Variants in STYXL2 observed in about 807,000 individuals in gnomAD.
The protein encoded by STYXL2 is serine/threonine/tyrosine-interacting-like protein 2.
Under a neutral mutation model 52.4 loss-of-function variants are expected in STYXL2, and 44 were observed. The ratio of observed to expected loss-of-function variants is 0.84; its 90% CI spans 0.66 to 1.08. The LOEUF (loss-of-function observed/expected upper bound fraction) is 1.08, where lower values mean the gene tolerates loss of function less well. STYXL2 is among the 50% of genes least tolerant of loss of function. The pLI is 0.00. For missense variants in STYXL2, 1,604 were observed against 1,471.7 expected (o/e 1.09, Z -1.47); for synonymous variants, 604 against 586.9 (o/e 1.03, Z -0.42).
rs1363302722 is a variant in STYXL2, at chr1:167,125,966, A to G, written c.835A>G (p.Met279Val). ...GCTGCGGGAGCTCAATGAGAAGTTG[A>G]TGGAGGAGAGAGAAGAGGACTATGG... ...KQLRELNEKL[M>V]EEREEDYGRE... The change falls in exon 6 of 6, where the codon ATG (methionine) becomes GTG (valine). Residue 279 changes from methionine to valine, a missense_variant. Transcript: ENST00000361200. The G allele has an allele frequency of 2.5e-6, 4 of 1,613,602 alleles. No individual in the cohort carries two copies. Among genetic ancestry groups the G allele is most frequent in the Non-Finnish European group, 2.5e-6 (3 of 1,179,916 alleles).
intron 5 of STYXL2, among the ~76,000 whole-genome samples, chr1:167,122,586 T>A (rs1237238536): frequency 6.6e-6 from 1 of 152,082 alleles, no homozygotes; most frequent in Non-Finnish European, 1.5e-5. Context: ...AAAGACATAC[T>A]GAGAGTGTAG....
At chr1:167,111,773 A>G (rs1364783059) in intron 2 of STYXL2, among the ~76,000 whole-genome samples, 2 of 151,932 alleles carry the variant, frequency 1.3e-5, no homozygotes, top group Non-Finnish European at 2.9e-5. Flanking sequence ...GAGGGATAGA[A>G]AATTACACAT....
rs199555379 is a variant in STYXL2, at chr1:167,128,481, G to A, written c.3350G>A (p.Arg1117Gln). Residue 1117 changes from arginine (R) to glutamine (Q), a missense_variant, in exon 6 of 6, where the codon CGG becomes CAG. Transcript: ENST00000361200. ...REEGRFASGR[R>Q]SQYRRSTDRE... ...GAAGGGAGGTTTGCATCTGGACGGC[G>A]GTCCCAGTATCGGAGAAGCACTGAC... 15 of 1,613,926 alleles carry A rather than the reference G, an allele frequency of 9.3e-6. No homozygotes were observed. In the East Asian group the frequency reaches 1.1e-4, roughly 12 times the overall value.
Position 167,125,800 on chromosome 1 carries a change from C to G in STYXL2, c.669C>G (p.Val223=). Residue 223 remains valine, a synonymous_variant, in exon 6 of 6, where the codon GTC becomes GTG. Transcript: ENST00000361200. ...TTTTCATTTCAGGGAAAGTCCTGGT[C>G]AGCAGCGAAATGGGCATCAGCCGGT... ...ALLTYRGKVL[V]SSEMGISRSA... 1 of 1,600,126 alleles carries G rather than the reference C, an allele frequency of 6.2e-7. No individual in the cohort carries two copies. The highest frequency in any genetic ancestry group is 8.5e-7 in the Non-Finnish European group (1 of 1,172,952).
intron 2 of STYXL2, among the ~76,000 whole-genome samples, chr1:167,098,890 G>T (rs914822561): frequency 6.6e-6 from 1 of 152,158 alleles, no homozygotes; most frequent in Non-Finnish European, 1.5e-5. Flanking sequence ...TCATGAGCTA[G>T]CCTCAGGAGT....
At chr1:167,109,232 A>C (rs1667567594) in intron 2 of STYXL2, among the ~76,000 whole-genome samples, 1 of 152,220 alleles carries the variant, frequency 6.6e-6, no homozygotes, top group Non-Finnish European at 1.5e-5. Context: ...ACAGTGGGGT[A>C]GTGGCAGGGC....
At chr1:167,120,897 GAGAGGTATGTA>G (rs1667842786) in intron 5 of STYXL2, among the ~76,000 whole-genome samples, 1 of 97,926 alleles carries the variant, frequency 1.0e-5, no homozygotes, top group African/African-American at 3.4e-5. Context: ...CAGAGAGAGA[GAGAGGTATGTA>G]TGTGTATATA....
In STYXL2 at chr1:167,126,434, A is replaced by T. The variant is rs200815707; in HGVS notation, c.1303A>T (p.Ser435Cys). The change falls in exon 6 of 6, where the codon AGC (serine) becomes TGC (cysteine). Residue 435 changes from serine (S) to cysteine (C), a missense_variant. Ser to Cys is a moderately radical substitution (Grantham distance 112). Transcript: ENST00000361200. ...GGTGGGGAGGCGGCGGCGCACCCTGAGCGAGAGCAGCGCCTGGGAGAGCGT... is the reference window on the plus strand; with the variant it reads ...GGTGGGGAGGCGGCGGCGCACCCTGTGCGAGAGCAGCGCCTGGGAGAGCGT... ...SSVGRRRRTL[S>C]ESSAWESVSS... 8 of 1,570,716 alleles carry T rather than the reference A, an allele frequency of 5.1e-6. No individual in the cohort carries two copies. The African/African-American group carries it at 1.1e-4, about 21-fold the overall frequency.
intron 2 of STYXL2, among the ~76,000 whole-genome samples, chr1:167,099,276 AT>A (rs1315254130): frequency 2.0e-5 from 3 of 152,230 alleles, no homozygotes; most frequent in Admixed American, 6.5e-5. Context: ...AATAAAAAAA[AT>A]CAAAAGAATC....
chr1:167,111,951 G>T (rs993393793), intron 2 of STYXL2, among the ~76,000 whole-genome samples: 4 of 152,044 alleles, frequency 2.6e-5, no homozygotes, highest in African/African-American at 9.7e-5. Flanking sequence ...ACAAATTGTT[G>T]TCCAACTTCA....
chr1:167,120,408 C>A (rs981352331), intron 5 of STYXL2, among the ~76,000 whole-genome samples: 2 of 152,164 alleles, frequency 1.3e-5, no homozygotes, highest in Admixed American at 6.5e-5. Context: ...ACAAAAATAT[C>A]AAATCCTAAA....
At position 167,119,506 on chromosome 1, in the gene STYXL2, G is replaced by T. The variant is rs111466001; in HGVS notation, c.655+40G>T. On this transcript the variant is annotated intron_variant, in intron 5 of 5. Coordinates refer to ENST00000361200, the MANE Select transcript of STYXL2 (RefSeq NM_001080426.3). ...CCGCTCCAGGCTGCTGGAATTCCAC[G>T]GGGGAAAAGTAATGTGGGGAATGTT... 1.1e-3 allele frequency: 1,750 copies of T among 1,568,654 alleles called. 18 individuals carry two copies. The African/African-American group carries it at 0.02, about 18-fold the overall frequency.
At chr1:167,118,243 AACTC>A (rs59910221) in intron 4 of STYXL2, among the ~76,000 whole-genome samples, 3,468 of 152,356 alleles carry the variant, frequency 0.023, 50 homozygotes, top group Non-Finnish European at 0.035. Flanking sequence ...GAACAAAAAC[AACTC>A]ACTCACATCC....
rs186718618 is a variant in STYXL2, at chr1:167,098,392, C to T, written c.110+3433C>T. 5.0e-3 allele frequency among the ~76,000 whole-genome samples: 762 copies of T among 151,944 alleles called. 9 individuals carry two copies. Among genetic ancestry groups the T allele is most frequent in the African/African-American group, 0.018 (730 of 41,440 alleles). ...TCAGGAAGCTGAGGCAACAGGATTG[C>T]TTGAGCCCAGGAATTCAAGGCTGCA... is the stretch of plus-strand genomic sequence containing the variant. On this transcript the variant is annotated intron_variant, in intron 2 of 5. Transcript: ENST00000361200.
At chr1:167,106,636 T>C (rs2102228411) in intron 2 of STYXL2, among the ~76,000 whole-genome samples, 1 of 152,336 alleles carries the variant, frequency 6.6e-6, no homozygotes, top group Admixed American at 6.5e-5. Context: ...ATATGACTGC[T>C]CACATTTATA....
At chr1:167,107,712 C>A (rs189934524) in intron 2 of STYXL2, among the ~76,000 whole-genome samples, 1 of 152,256 alleles carries the variant, frequency 6.6e-6, no homozygotes, top group East Asian at 1.9e-4. Context: ...GTGCTAGGAA[C>A]ACAATGGTCA....
intron 2 of STYXL2, 122 bp from the exon 3 acceptor site, chr1:167,113,588 T>C: frequency 1.3e-6 from 1 of 765,120 alleles, no homozygotes; most frequent in Non-Finnish European, 2.3e-6. Flanking sequence ...TAGGAAGGCT[T>C]TGCCTTGATC....
At position 167,097,944 on chromosome 1, in the gene STYXL2, C is replaced by T. The variant is rs1316344742; in HGVS notation, c.110+2985C>T. Among the ~76,000 whole-genome samples, 3 of 149,188 alleles carry T rather than the reference C, an allele frequency of 2.0e-5. No homozygotes were observed. In the East Asian group the frequency reaches 5.9e-4, roughly 29 times the overall value. ...TTTGGAGGCTGAGGTAGGATGATTG[C>T]TTGAGGCCCCGAGTTTCAGACAAGA... On this transcript the variant is annotated intron_variant, in intron 2 of 5. Coordinates refer to ENST00000361200, the MANE Select transcript of STYXL2 (RefSeq NM_001080426.3).
intron 2 of STYXL2, among the ~76,000 whole-genome samples, chr1:167,109,311 C>T (rs12030396): frequency 2.6e-5 from 4 of 151,868 alleles, no homozygotes; most frequent in Non-Finnish European, 4.4e-5. Flanking sequence ...CCCTGCTTAC[C>T]GGCTGCCTAA....
Sources: allele counts gnomAD v4.1 joint callset (sites outside exome capture counted in the v4.1 genomes callset), GRCh38; gene constraint gnomAD v4.1.1; transcripts MANE v1.5; gene names NCBI Gene and HGNC (gene_info 2026-07-23, HGNC 2026-07-21).